SLC24A3: variants seen among roughly 807,000 people sequenced by gnomAD.
The protein encoded by SLC24A3 is solute carrier family 24 member 3.
In SLC24A3, 28 loss-of-function variants were observed where a neutral mutation model predicts 75.8. The observed-to-expected ratio is 0.37, with a 90% CI of 0.27 to 0.51. The LOEUF (loss-of-function observed/expected upper bound fraction) is 0.51, where lower values mean the gene tolerates loss of function less well. Ranked by LOEUF, SLC24A3 falls within the 20% of genes least tolerant of loss-of-function variation. The pLI is 0.94. For synonymous variants in SLC24A3, 372 were observed against 334.1 expected, an observed-to-expected ratio of 1.11 and a Z score of -1.24; for missense variants, 663 against 847.8, an observed-to-expected ratio of 0.78 and a Z score of 2.71.
At chr20:19,438,306 C>T (rs1987240626) in intron 2 of SLC24A3, among the ~76,000 whole-genome samples, 1 of 152,140 alleles carries the variant, frequency 6.6e-6, no homozygotes, top group Non-Finnish European at 1.5e-5. Flanking sequence ...GGCACCTTTC[C>T]TTCTGGGAGG....
chr20:19,669,507 A>G (rs2032440161), intron 8 of SLC24A3, among the ~76,000 whole-genome samples: 1 of 152,042 alleles, frequency 6.6e-6, no homozygotes. Context: ...GTCTCAAAAA[A>G]AAAAAAAGAA....
At chr20:19,310,086 C>T (rs1033485250) in intron 2 of SLC24A3, among the ~76,000 whole-genome samples, 13 of 152,324 alleles carry the variant, frequency 8.5e-5, no homozygotes, top group Non-Finnish European at 1.5e-4. Context: ...CTGGTGTCTT[C>T]GTGGAGTTCA....
At chr20:19,554,942 G>T (rs1420558181) in intron 3 of SLC24A3, among the ~76,000 whole-genome samples, 1 of 152,146 alleles carries the variant, frequency 6.6e-6, no homozygotes, top group Non-Finnish European at 1.5e-5. Flanking sequence ...AGTCCTGATG[G>T]TTAGCAGGCA....
chr20:19,269,849 G>A (rs1210580798), intron 1 of SLC24A3, among the ~76,000 whole-genome samples: 1 of 152,180 alleles, frequency 6.6e-6, no homozygotes, highest in Non-Finnish European at 1.5e-5. Flanking sequence ...AGACCCAGCA[G>A]GCTCATTCTT....
intron 1 of SLC24A3, among the ~76,000 whole-genome samples, chr20:19,233,345 A>G (rs1390369838): frequency 6.6e-6 from 1 of 152,116 alleles, no homozygotes; most frequent in Non-Finnish European, 1.5e-5. Flanking sequence ...CAAGAACATC[A>G]CCCTTGCATC....
Position 19,404,583 on chromosome 20 carries a change from G to A in SLC24A3, c.272-110905G>A, listed in dbSNP as rs191839787. 4.6e-3 allele frequency among the ~76,000 whole-genome samples: 707 copies of A among 152,288 alleles called. 3 individuals carry two copies. Among genetic ancestry groups the A allele is most frequent in the South Asian group, 0.017 (81 of 4,822 alleles). ...TTTCTCCTTCTGTATTTGTTCAGAC[G>A]CACCTAGCTGATGATTTGGGCATGA... is the stretch of plus-strand genomic sequence containing the variant. On this transcript the variant is annotated intron_variant, in intron 2 of 16. Coordinates refer to ENST00000328041, the MANE Select transcript of SLC24A3 (RefSeq NM_020689.4).
intron 13 of SLC24A3, chr20:19,693,640 T>A: frequency 1.8e-6 from 1 of 548,638 alleles, no homozygotes; most frequent in Non-Finnish European, 3.0e-6. Context: ...TAATCTTAGC[T>A]GGGACCTGCT....
chr20:19,463,441 CCA>C (rs1987712275), intron 2 of SLC24A3, among the ~76,000 whole-genome samples: 3 of 152,240 alleles, frequency 2.0e-5, no homozygotes, highest in Middle Eastern at 3.2e-3. Context: ...TTATTCCTCA[CCA>C]CTGTGTTTTT....
chr20:19,719,312 A>G (rs1479307188), intron 16 of SLC24A3, among the ~76,000 whole-genome samples: 2 of 152,236 alleles, frequency 1.3e-5, no homozygotes, highest in African/African-American at 4.8e-5. Flanking sequence ...TTCAGGAAAA[A>G]AAGTGTTATT....
chr20:19,359,424 C>A (rs932742153), intron 2 of SLC24A3, among the ~76,000 whole-genome samples: 1 of 152,150 alleles, frequency 6.6e-6, no homozygotes, highest in African/African-American at 2.4e-5. Flanking sequence ...TGGGGGCTGC[C>A]CCAAAAGAGA....
intron 2 of SLC24A3, among the ~76,000 whole-genome samples, chr20:19,337,184 C>T (rs1449187852): frequency 6.6e-6 from 1 of 152,326 alleles, no homozygotes; most frequent in East Asian, 1.9e-4. Flanking sequence ...GTGGCTCACG[C>T]CTGTAATCCC....
intron 2 of SLC24A3, among the ~76,000 whole-genome samples, chr20:19,301,924 T>C (rs1196721589): frequency 6.6e-6 from 1 of 152,222 alleles, no homozygotes; most frequent in Non-Finnish European, 1.5e-5. Flanking sequence ...ATTCCTAAAC[T>C]AGCACTTAAA....
chr20:19,345,131 G>T (rs1985361614), intron 2 of SLC24A3, among the ~76,000 whole-genome samples: 1 of 152,172 alleles, frequency 6.6e-6, no homozygotes, highest in Admixed American at 6.5e-5. Context: ...TTATAACAAG[G>T]TTGCAGGATA....
chr20:19,544,426 C>A (rs891008910), intron 3 of SLC24A3, among the ~76,000 whole-genome samples: 1 of 152,132 alleles, frequency 6.6e-6, no homozygotes, highest in South Asian at 2.1e-4. Flanking sequence ...GCAAGAGAAT[C>A]AACAGAGAGC....
intron 2 of SLC24A3, among the ~76,000 whole-genome samples, chr20:19,309,743 G>A (rs1984411895): frequency 6.6e-6 from 1 of 152,222 alleles, no homozygotes; most frequent in Non-Finnish European, 1.5e-5. Context: ...CTTCTTCTCT[G>A]TGTGGCAGCT....
chr20:19,468,773 T>C (rs1256915593), intron 2 of SLC24A3, among the ~76,000 whole-genome samples: 1 of 152,188 alleles, frequency 6.6e-6, no homozygotes, highest in Non-Finnish European at 1.5e-5. Context: ...TAAGTGTATG[T>C]TGGGTTTAAC....
chr20:19,325,438 C>A (rs760115629), intron 2 of SLC24A3, among the ~76,000 whole-genome samples: 12 of 151,646 alleles, frequency 7.9e-5, no homozygotes, highest in Non-Finnish European at 1.3e-4. Context: ...GACCGTGAGA[C>A]CCTGCCTCAA....
chr20:19,416,149 C>T (rs1986823911), intron 2 of SLC24A3, among the ~76,000 whole-genome samples: 1 of 152,224 alleles, frequency 6.6e-6, no homozygotes, highest in South Asian at 2.1e-4. Flanking sequence ...CACATATCGA[C>T]TCATCCCATC....
intron 1 of SLC24A3, among the ~76,000 whole-genome samples, chr20:19,257,126 T>C (rs1375666490): frequency 6.6e-6 from 1 of 152,174 alleles, no homozygotes; most frequent in Admixed American, 6.5e-5. Context: ...AAAGTTCATT[T>C]GGGTCTTTTT....
Sources: gnomAD v4.1 joint callset for allele counts (sites outside exome capture counted in the v4.1 genomes callset) on GRCh38, gnomAD v4.1.1 for gene constraint, MANE v1.5 for transcripts, NCBI Gene and HGNC (gene_info 2026-07-23, HGNC 2026-07-21) for gene names.